The following KCNN2 variants were observed in gnomAD, a reference collection of about 807,000 sequenced individuals.
KCNN2 encodes the protein potassium calcium-activated channel subfamily N member 2.
KCNN2 carries 24 observed loss-of-function variants against 55.5 expected under a neutral mutation model. The observed-to-expected ratio is 0.43, with a 90% confidence interval of 0.31 to 0.61. KCNN2 has a LOEUF of 0.61. Among genes scored for constraint, KCNN2 ranks in the 20% least tolerant of loss-of-function variants. The pLI, the probability that KCNN2 is intolerant of heterozygous loss-of-function variation, is 0.08. For missense variants in KCNN2, 754 were observed against 853.6 expected, an observed-to-expected ratio of 0.88 and a Z score of 1.45; for synonymous variants, 431 against 336.1, an observed-to-expected ratio of 1.28 and a Z score of -3.09.
At chr5:114,092,645 G>A (rs1751169027) in intron 1 of KCNN2, among the ~76,000 whole-genome samples, 1 of 152,190 alleles carries the variant, frequency 6.6e-6, no homozygotes, top group African/African-American at 2.4e-5. Context: ...TGGACATCAG[G>A]CATTTCCTTA....
chr5:114,363,486 C>A (rs1757509014), intron 1 of KCNN2, among the ~76,000 whole-genome samples: 1 of 152,246 alleles, frequency 6.6e-6, no homozygotes, highest in Admixed American at 6.5e-5. Flanking sequence ...GTTAAGAGTG[C>A]TCAGCGCATT....
At chr5:114,448,811 T>A (rs1342218039) in intron 3 of KCNN2, among the ~76,000 whole-genome samples, 1 of 152,230 alleles carries the variant, frequency 6.6e-6, no homozygotes, top group African/African-American at 2.4e-5. Context: ...TTGCTGTATT[T>A]TGAAAATTAA....
At chr5:114,146,757 G>A (rs1752405485) in intron 1 of KCNN2, among the ~76,000 whole-genome samples, 1 of 152,158 alleles carries the variant, frequency 6.6e-6, no homozygotes, top group African/African-American at 2.4e-5. Context: ...AAGACCTGAA[G>A]CATTAGTATG....
chr5:114,309,280 T>A (rs970622633), intron 2 of KCNN2, among the ~76,000 whole-genome samples: 2 of 152,164 alleles, frequency 1.3e-5, no homozygotes, highest in Non-Finnish European at 2.9e-5. Context: ...CAAAATTAGA[T>A]TCAAGGTCCG....
chr5:114,486,767 A>C (rs1158978930), intron 5 of KCNN2: 1 of 1,319,254 alleles, frequency 7.6e-7, no homozygotes, highest in South Asian at 1.3e-5. Flanking sequence ...GATTAAAAAA[A>C]AAAAATAGTT....
At chr5:114,370,395 G>A (rs1757725413) in intron 2 of KCNN2, among the ~76,000 whole-genome samples, 3 of 152,090 alleles carry the variant, frequency 2.0e-5, no homozygotes, top group Admixed American at 1.3e-4. Flanking sequence ...AGACAGGAGG[G>A]GCCCTTTCCT....
At chr5:114,056,901 C>T (rs569604535) in intron 1 of KCNN2, among the ~76,000 whole-genome samples, 1 of 152,072 alleles carries the variant, frequency 6.6e-6, no homozygotes, top group Non-Finnish European at 1.5e-5. Flanking sequence ...GGAGAGAGGG[C>T]AGAAGGTTGT....
At chr5:114,064,867 T>C (rs567386034) in intron 1 of KCNN2, among the ~76,000 whole-genome samples, 11 of 152,146 alleles carry the variant, frequency 7.2e-5, no homozygotes, top group Non-Finnish European at 1.5e-4. Context: ...TTAGTGATAG[T>C]GAACAAAGAT....
At chr5:114,072,643 G>C (rs1282458997) in intron 1 of KCNN2, among the ~76,000 whole-genome samples, 2 of 152,090 alleles carry the variant, frequency 1.3e-5, no homozygotes, top group African/African-American at 4.8e-5. Flanking sequence ...ACACAGAACA[G>C]ACTAAGACAG....
intron 1 of KCNN2, among the ~76,000 whole-genome samples, chr5:114,062,150 T>C (rs1396789451): frequency 2.0e-5 from 3 of 152,142 alleles, no homozygotes; most frequent in African/African-American, 7.2e-5. Flanking sequence ...TTCACAGACT[T>C]GTCACGTAGT....
chr5:114,319,274 C>T (rs1756567733), intron 2 of KCNN2, among the ~76,000 whole-genome samples: 1 of 152,166 alleles, frequency 6.6e-6, no homozygotes, highest in African/African-American at 2.4e-5. Context: ...GCTGTGTCTA[C>T]CCTGAATCTC....
intron 2 of KCNN2, among the ~76,000 whole-genome samples, chr5:114,251,974 G>A (rs1754873376): frequency 6.6e-6 from 1 of 150,756 alleles, no homozygotes; most frequent in African/African-American, 2.4e-5. Flanking sequence ...TGCCTCCCAG[G>A]TTCAAGCAAT....
At chr5:114,323,926 C>G (rs934767241) in intron 2 of KCNN2, among the ~76,000 whole-genome samples, 31 of 151,902 alleles carry the variant, frequency 2.0e-4, no homozygotes, top group Non-Finnish European at 2.6e-4. Flanking sequence ...GGAGCCACTG[C>G]ACCCAGCCTG....
chr5:114,451,667 C>A (rs1483439032), intron 3 of KCNN2, among the ~76,000 whole-genome samples: 3 of 151,980 alleles, frequency 2.0e-5, no homozygotes, highest in Admixed American at 6.5e-5. Flanking sequence ...GAGGCCAAGG[C>A]GGGCGGATTA....
chr5:114,401,266 C>T (rs2150069363), intron 2 of KCNN2, among the ~76,000 whole-genome samples: 1 of 152,180 alleles, frequency 6.6e-6, no homozygotes, highest in South Asian at 2.1e-4. Flanking sequence ...TGTAATAGAA[C>T]ATTTTAGTGA....
chr5:114,395,425 G>C (rs751054908), intron 2 of KCNN2, among the ~76,000 whole-genome samples: 10 of 152,096 alleles, frequency 6.6e-5, no homozygotes, highest in Non-Finnish European at 1.2e-4. Context: ...CATCACCCTA[G>C]AATTAAGGTA....
At chr5:114,178,507 GGT>G (rs1753179678) in intron 1 of KCNN2, among the ~76,000 whole-genome samples, 1 of 152,166 alleles carries the variant, frequency 6.6e-6, no homozygotes, top group Admixed American at 6.5e-5. Context: ...AGAAACTGTA[GGT>G]GACAAATTCC....
intron 2 of KCNN2, 99 bp downstream of exon 2, chr5:114,364,100 G>T: frequency 1.2e-6 from 1 of 842,680 alleles, no homozygotes. Flanking sequence ...TCATGTCCTT[G>T]CTTGAGGTTA....
intron 1 of KCNN2, among the ~76,000 whole-genome samples, chr5:114,137,500 A>G (rs1471479790): frequency 6.6e-6 from 1 of 152,194 alleles, no homozygotes; most frequent in Non-Finnish European, 1.5e-5. Context: ...AAACACTATC[A>G]TTTGTGAGAA....
Sources: allele counts gnomAD v4.1 joint callset (sites outside exome capture counted in the v4.1 genomes callset), GRCh38; gene constraint gnomAD v4.1.1; transcripts MANE v1.5; gene names NCBI Gene and HGNC (gene_info 2026-07-23, HGNC 2026-07-21).